CAMK4: variants seen among roughly 807,000 people sequenced by gnomAD.
CAMK4 encodes the protein calcium/calmodulin dependent protein kinase IV.
In CAMK4, 22 loss-of-function variants were observed where a neutral mutation model predicts 44.9. The observed-to-expected ratio is 0.49, with a 90% CI of 0.35 to 0.70. CAMK4 has a LOEUF of 0.70. Ranked by LOEUF, CAMK4 falls within the 30% of genes least tolerant of loss-of-function variation. The pLI is 0.01. For missense variants in CAMK4, 498 were observed against 586.8 expected (o/e 0.85, Z 1.56); for synonymous variants, 218 against 215.4 (o/e 1.01, Z -0.11).
In CAMK4 at chr5:111,376,963, T is replaced by C. The variant is rs777452411; in HGVS notation, c.386+21T>C. The C allele has an allele frequency of 1.7e-5, 25 of 1,513,508 alleles. No individual in the cohort carries two copies. In the South Asian group the frequency reaches 2.3e-4, roughly 14 times the overall value. The allele number at this position is 1,513,508 out of a possible 1,614,324, so 93.8% of individuals were successfully genotyped here. The stretch of plus-strand genomic sequence containing the variant: ...GATAGGTGAGTTGGTTCTGGAAATA[T>C]AACCACAGAAAGGTTTGCTTTTGGC... On this transcript the variant is annotated intron_variant, in intron 4 of 10. Transcript: ENST00000282356.
rs1448579809 is a variant in CAMK4 at position 111,490,090 on chromosome 5, T to C, written c.*5624T>C. On this transcript the variant is annotated 3_prime_UTR_variant, in exon 11 of 11. Transcript: ENST00000282356. ...TTTAATCGTTGCTTGTGATTCATTGTGTCAAAATAACATTTAATTTTCACT... is the reference window on the plus strand; with the variant it reads ...TTTAATCGTTGCTTGTGATTCATTGCGTCAAAATAACATTTAATTTTCACT... 1 of 152,258 alleles carries C rather than the reference T, an allele frequency of 6.6e-6. No individual in the cohort carries two copies. Among genetic ancestry groups the C allele is most frequent in the Admixed American group, 6.5e-5 (1 of 15,294 alleles). The allele number at this position is 152,258 out of a possible 1,614,324, so 9.4% of individuals were successfully genotyped here.
At chr5:111,232,191 T>A (rs1386672279) in intron 1 of CAMK4, among the ~76,000 whole-genome samples, 4 of 152,072 alleles carry the variant, frequency 2.6e-5, no homozygotes, top group Non-Finnish European at 4.4e-5. Flanking sequence ...GCATGATAAA[T>A]CAATATTTGG....
intron 8 of CAMK4, among the ~76,000 whole-genome samples, chr5:111,473,688 C>G (rs867335976): frequency 1.3e-5 from 2 of 152,148 alleles, no homozygotes; most frequent in African/African-American, 2.4e-5. Flanking sequence ...AGCCCAAGAC[C>G]AGCTGTGTAA....
At chr5:111,354,812 G>A (rs1306597576) in intron 2 of CAMK4, among the ~76,000 whole-genome samples, 2 of 141,232 alleles carry the variant, frequency 1.4e-5, no homozygotes, top group African/African-American at 4.9e-5. Flanking sequence ...CCTCTCCAGG[G>A]AGATCCTCTA....
At chr5:111,229,325 A>G (rs985674290) in intron 1 of CAMK4, among the ~76,000 whole-genome samples, 7 of 152,196 alleles carry the variant, frequency 4.6e-5, no homozygotes, top group African/African-American at 1.4e-4. Flanking sequence ...GAAGAGAGAA[A>G]GAGAGGGGAA....
intron 7 of CAMK4, among the ~76,000 whole-genome samples, chr5:111,469,172 A>ATAT (rs1268538049): frequency 9.4e-5 from 3 of 31,980 alleles, no homozygotes; most frequent in Non-Finnish European, 1.7e-4. Context: ...AAAAAAAAAA[A>ATAT]ATATATATAT....
chr5:111,435,738 T>G (rs560037786), intron 5 of CAMK4, among the ~76,000 whole-genome samples: 1 of 152,320 alleles, frequency 6.6e-6, no homozygotes, highest in South Asian at 2.1e-4. Context: ...AGCTTTGAAG[T>G]TTTTCCTGAA....
intron 7 of CAMK4, among the ~76,000 whole-genome samples, chr5:111,460,311 A>C (rs1433574961): frequency 1.7e-5 from 2 of 115,822 alleles, no homozygotes; most frequent in African/African-American, 3.3e-5. Flanking sequence ...TCATTCCCCC[A>C]TGCTGGAGTG....
intron 4 of CAMK4, among the ~76,000 whole-genome samples, chr5:111,380,103 T>C (rs1194978936): frequency 6.6e-6 from 1 of 152,142 alleles, no homozygotes. Flanking sequence ...ATTATTGAAA[T>C]GGACAAGGTG....
chr5:111,325,353 T>A (rs1010292877), intron 1 of CAMK4, among the ~76,000 whole-genome samples: 27 of 152,194 alleles, frequency 1.8e-4, no homozygotes, highest in African/African-American at 6.5e-4. Context: ...GCAGAATGAT[T>A]TATAATACTT....
rs888039847 is a variant in CAMK4, at chr5:111,419,424, C to A, written c.459+24642C>A. ...TTCACTCTGATGGTAGTTTCTTTTG[C>A]TGTGCAGAAACTCTTTAATTTAATT... On this transcript the variant is annotated intron_variant, in intron 5 of 10. Coordinates refer to ENST00000282356, the MANE Select transcript of CAMK4 (RefSeq NM_001744.6). Among the ~76,000 whole-genome samples the A allele has an allele frequency of 6.6e-5, 10 of 152,222 alleles. No homozygotes were observed. The South Asian group carries it at 8.3e-4, about 13-fold the overall frequency.
chr5:111,360,614 C>T (rs185347222), intron 2 of CAMK4, among the ~76,000 whole-genome samples: 212 of 152,200 alleles, frequency 1.4e-3, no homozygotes, highest in African/African-American at 4.5e-3. Context: ...TTAACTCTTA[C>T]AAGCTTTTAA....
intron 2 of CAMK4, among the ~76,000 whole-genome samples, chr5:111,371,868 A>G (rs993953918): frequency 1.2e-4 from 18 of 152,160 alleles, no homozygotes; most frequent in Admixed American, 3.3e-4. Flanking sequence ...TTCAAATTAT[A>G]TCACCAATGA....
chr5:111,414,217 C>A (rs1269228898), intron 5 of CAMK4, among the ~76,000 whole-genome samples: 2 of 152,146 alleles, frequency 1.3e-5, no homozygotes, highest in African/African-American at 4.8e-5. Context: ...TTGTTACTCC[C>A]AAAGCACAGA....
In CAMK4 at chr5:111,350,540, A is replaced by G. The variant is rs151224425; in HGVS notation, c.240+6438A>G. On this transcript the variant is annotated intron_variant, in intron 2 of 10. Transcript: ENST00000282356. ...CTACTTAGGTACATCTCGGATGCCT[A>G]TAATACCTAGATTTAGAACACTTTC... is the stretch of plus-strand genomic sequence containing the variant. 5.9e-5 allele frequency among the ~76,000 whole-genome samples: 9 copies of G among 152,058 alleles called. No homozygotes were observed. In the East Asian group the frequency reaches 9.7e-4, roughly 16 times the overall value.
chr5:111,370,660 T>C (rs1273256907), intron 2 of CAMK4, among the ~76,000 whole-genome samples: 1 of 152,154 alleles, frequency 6.6e-6, no homozygotes, highest in Non-Finnish European at 1.5e-5. Context: ...GAGAAGATGG[T>C]GATCCCAGCA....
intron 2 of CAMK4, among the ~76,000 whole-genome samples, chr5:111,364,570 C>T (rs1396164622): frequency 6.6e-6 from 1 of 152,096 alleles, no homozygotes; most frequent in Non-Finnish European, 1.5e-5. Context: ...GGAGATGCTG[C>T]TCTGTTCTGA....
intron 2 of CAMK4, among the ~76,000 whole-genome samples, chr5:111,364,017 G>A (rs1750696785): frequency 6.6e-6 from 1 of 152,056 alleles, no homozygotes; most frequent in Non-Finnish European, 1.5e-5. Context: ...CTTTAAAGTA[G>A]GAGAGAAATC....
rs1306549896 is a variant in CAMK4, at chr5:111,491,856, A to G, written c.*7390A>G. ...ATTTATATCAATTGAATTTTCATTA[A>G]TCATTTTAGGAAATATTATGTTTTA... On this transcript the variant is annotated 3_prime_UTR_variant, in exon 11 of 11. Coordinates refer to ENST00000282356, the MANE Select transcript of CAMK4 (RefSeq NM_001744.6). 1.3e-5 allele frequency: 2 copies of G among 152,206 alleles called. No individual in the cohort carries two copies. The highest frequency in any genetic ancestry group is 2.9e-5 in the Non-Finnish European group (2 of 68,032). 9.4% of individuals were successfully genotyped at this position (152,206 alleles called of 1,614,324 possible).
Sources: allele counts gnomAD v4.1 joint callset (sites outside exome capture counted in the v4.1 genomes callset), GRCh38; gene constraint gnomAD v4.1.1; transcripts MANE v1.5; gene names NCBI Gene and HGNC (gene_info 2026-07-23, HGNC 2026-07-21).